The following DCC variants were observed in gnomAD, a reference collection of about 807,000 sequenced individuals.
The protein encoded by DCC is netrin receptor DCC.
In DCC, 58 loss-of-function variants were observed where a neutral mutation model predicts 172.5. That is an observed-to-expected ratio of 0.34 (90% CI 0.27 to 0.42). DCC has a LOEUF of 0.42. Among genes scored for constraint, DCC ranks in the 10% least tolerant of loss-of-function variants. The probability of loss-of-function intolerance (pLI) is 1.00; values close to 1 mark genes in which losing one functional copy is unlikely to be tolerated. For synonymous variants in DCC, 709 were observed against 644.5 expected (o/e 1.10, Z -1.52); for missense variants, 1,740 against 1,791.0 (o/e 0.97, Z 0.51).
rs1186712939 is a variant in DCC at position 53,267,447 on chromosome 18, A to G, written c.1912-38131A>G. Among the ~76,000 whole-genome samples, 3 of 152,018 alleles carry G rather than the reference A, an allele frequency of 2.0e-5. No individual in the cohort carries two copies. The East Asian group carries it at 5.8e-4, about 29-fold the overall frequency. On this transcript the variant is annotated intron_variant, in intron 12 of 28. Transcript: ENST00000442544. ...GGTGACCCTCCTGCCTCATCCTCCC[A>G]AAGTGCTGAGATTACAGGCATGAGC... is the stretch of plus-strand genomic sequence containing the variant.
chr18:53,364,863 C>T (rs1436182053), intron 15 of DCC, among the ~76,000 whole-genome samples: 1 of 152,102 alleles, frequency 6.6e-6, no homozygotes, highest in Non-Finnish European at 1.5e-5. Context: ...CACATGCACA[C>T]ATACATACAC....
chr18:52,734,117 G>T (rs2036688911), intron 1 of DCC, among the ~76,000 whole-genome samples: 1 of 151,986 alleles, frequency 6.6e-6, no homozygotes, highest in African/African-American at 2.4e-5. Flanking sequence ...AACAATTCCA[G>T]TTTATACACT....
chr18:53,219,586 G>C (rs946119212), intron 12 of DCC, among the ~76,000 whole-genome samples: 7 of 151,848 alleles, frequency 4.6e-5, no homozygotes, highest in African/African-American at 1.7e-4. Context: ...CCTTATTCTT[G>C]AACACCAGAT....
chr18:52,684,264 A>G (rs8090718), intron 1 of DCC, among the ~76,000 whole-genome samples: 61,770 of 151,998 alleles, frequency 0.41, 12,929 homozygotes, highest in Non-Finnish European at 0.47. Context: ...GCATTGAAGC[A>G]GTGAATAAGT....
chr18:53,336,571 G>T (rs140572069), intron 14 of DCC, among the ~76,000 whole-genome samples: 8 of 152,140 alleles, frequency 5.3e-5, no homozygotes, highest in African/African-American at 1.7e-4. Flanking sequence ...GGTCATTAAG[G>T]CTGGGCATGT....
At chr18:52,465,415 G>A (rs1234421350) in intron 1 of DCC, among the ~76,000 whole-genome samples, 3 of 152,098 alleles carry the variant, frequency 2.0e-5, no homozygotes, top group Non-Finnish European at 4.4e-5. Flanking sequence ...CATCAGAGCT[G>A]AAAGAACAGT....
rs759238110 is a variant in DCC, at chr18:53,386,128, G to A, written c.2445G>A (p.Arg815=). Residue 815 remains arginine (R), a synonymous_variant, in exon 16 of 29, where the codon AGG becomes AGA. Coordinates refer to ENST00000442544, the MANE Select transcript of DCC (RefSeq NM_005215.4). ...GVPLYESATT[R]SITDPTDPVD... ...CTCTTTATGAAAGTGCCACCACCAG[G>A]TCTATAACCGGTAAGTGAAATTGTT... 1.2e-6 allele frequency: 2 copies of A among 1,602,836 alleles called. No individual in the cohort carries two copies. The highest frequency in any genetic ancestry group is 1.1e-5 in the South Asian group (1 of 90,848).
In DCC at chr18:52,861,021, A is replaced by T. The variant is rs577387938; in HGVS notation, c.413-45023A>T. On this transcript the variant is annotated intron_variant, in intron 2 of 28. Coordinates refer to ENST00000442544, the MANE Select transcript of DCC (RefSeq NM_005215.4). ...AATCTGAATCCATTTCAAAAAAAAA[A>T]AAAAAAAAAATTTTGGCTTCACTGT... Among the ~76,000 whole-genome samples the T allele has an allele frequency of 2.8e-4, 43 of 152,000 alleles. No individual in the cohort carries two copies. The South Asian group carries it at 8.5e-3, about 30-fold the overall frequency.
intron 1 of DCC, among the ~76,000 whole-genome samples, chr18:52,397,254 GC>G (rs1986266389): frequency 6.6e-6 from 1 of 151,950 alleles, no homozygotes. Context: ...CTCCCAAAAC[GC>G]ATACTTCTAA....
At chr18:52,798,702 G>A (rs1426214627) in intron 2 of DCC, among the ~76,000 whole-genome samples, 1 of 152,110 alleles carries the variant, frequency 6.6e-6, no homozygotes, top group Non-Finnish European at 1.5e-5. Context: ...GGAGAATGCA[G>A]TGAGGTGGAA....
chr18:52,824,145 C>T (rs766706382), intron 2 of DCC, among the ~76,000 whole-genome samples: 1 of 152,230 alleles, frequency 6.6e-6, no homozygotes, highest in Non-Finnish European at 1.5e-5. Flanking sequence ...CTTCGACACA[C>T]GGAAAAGTGG....
intron 2 of DCC, among the ~76,000 whole-genome samples, chr18:52,804,926 T>C (rs2038060199): frequency 6.6e-6 from 1 of 152,214 alleles, no homozygotes; most frequent in Non-Finnish European, 1.5e-5. Flanking sequence ...TTCTTCTAGT[T>C]GTCCATATTT....
intron 27 of DCC, among the ~76,000 whole-genome samples, chr18:53,506,444 T>C (rs1313944891): frequency 6.6e-5 from 10 of 152,136 alleles, no homozygotes; most frequent in Non-Finnish European, 1.5e-4. Flanking sequence ...GCCAAATAAA[T>C]TGCATAGAGT....
At chr18:52,415,259 A>G (rs763336470) in intron 1 of DCC, among the ~76,000 whole-genome samples, 73 of 152,186 alleles carry the variant, frequency 4.8e-4, no homozygotes, top group Admixed American at 5.2e-4. Flanking sequence ...CCTTGCTGTT[A>G]CCAATTATAA....
At chr18:52,432,323 G>A (rs1381197857) in intron 1 of DCC, among the ~76,000 whole-genome samples, 3 of 152,082 alleles carry the variant, frequency 2.0e-5, no homozygotes, top group African/African-American at 7.2e-5. Context: ...TTTGATGTAC[G>A]AGGACATTTG....
chr18:53,066,127 A>T lies in DCC; in HGVS notation c.1222A>T (p.Asn408Tyr), dbSNP rs770753065. ...YQCVAENEAGNAQTSAQLIVP... is the reference protein window; with the variant it reads ...YQCVAENEAGYAQTSAQLIVP... ...ATGTGTGGCTGAAAATGAGGCTGGA[A>T]ATGCCCAGACCAGTGCACAGCTCAT... Residue 408 changes from asparagine (N) to tyrosine (Y), a missense_variant, in exon 7 of 29, where the codon AAT becomes TAT. This residue lies in a region of DCC where 1,732 missense variants were observed against 1,767.4 expected (regional missense o/e 0.98). Coordinates refer to ENST00000442544, the MANE Select transcript of DCC (RefSeq NM_005215.4). 4.3e-6 allele frequency: 7 copies of T among 1,613,428 alleles called. No individual in the cohort carries two copies. The highest frequency in any genetic ancestry group is 1.7e-4 in the Middle Eastern group (1 of 6,058).
At chr18:52,404,019 T>C (rs986575477) in intron 1 of DCC, among the ~76,000 whole-genome samples, 2 of 152,052 alleles carry the variant, frequency 1.3e-5, no homozygotes, top group South Asian at 4.1e-4. Flanking sequence ...GGTCATTTTC[T>C]GGAAAAACAA....
At chr18:53,481,840 C>G (rs149886626) in intron 25 of DCC, among the ~76,000 whole-genome samples, 1 of 152,060 alleles carries the variant, frequency 6.6e-6, no homozygotes, top group Non-Finnish European at 1.5e-5. Flanking sequence ...GTTCAGGGAG[C>G]TAAGTAATTT....
chr18:52,912,737 C>T (rs1156284009), intron 3 of DCC, among the ~76,000 whole-genome samples: 1 of 151,976 alleles, frequency 6.6e-6, no homozygotes, highest in Admixed American at 6.6e-5. Flanking sequence ...GTTTCCTTAT[C>T]TGTTAAGAGA....
Sources: gnomAD v4.1 joint callset for allele counts (sites outside exome capture counted in the v4.1 genomes callset) on GRCh38, gnomAD v4.1.1 for gene constraint, gnomAD v4.1.1 regional missense constraint, MANE v1.5 for transcripts, NCBI Gene and HGNC (gene_info 2026-07-23, HGNC 2026-07-21) for gene names.